Variants in ZDHHC2 observed in about 807,000 individuals in gnomAD.
ZDHHC2 encodes zDHHC palmitoyltransferase 2, also known as palmitoyltransferase ZDHHC2.
A neutral mutation model predicts 55.6 loss-of-function variants in ZDHHC2; 51 were observed. The observed-to-expected ratio is 0.92, with a 90% CI of 0.73 to 1.16. The LOEUF (loss-of-function observed/expected upper bound fraction) is 1.16. Among genes scored for constraint, ZDHHC2 ranks in the 50% most tolerant of loss-of-function variants. ZDHHC2 has a pLI of 0.00. For synonymous variants in ZDHHC2, 199 were observed against 152.9 expected (o/e 1.30, Z -2.22); for missense variants, 491 against 442.4 (o/e 1.11, Z -0.99).
chr8:17,196,755 A>T (rs1264876931), intron 4 of ZDHHC2, among the ~76,000 whole-genome samples: 3 of 151,816 alleles, frequency 2.0e-5, no homozygotes, highest in Non-Finnish European at 4.4e-5. Flanking sequence ...ATACAAAAAA[A>T]TTAGCCTGGG....
intron 9 of ZDHHC2, 122 bp from the exon 10 acceptor site, chr8:17,210,266 C>G (rs1807310170): frequency 1.8e-6 from 2 of 1,096,940 alleles, no homozygotes; most frequent in Non-Finnish European, 2.6e-6. Context: ...AGCTCAATGT[C>G]TAATACACAT....
intron 3 of ZDHHC2, among the ~76,000 whole-genome samples, chr8:17,193,510 G>A (rs548070317): frequency 3.3e-4 from 51 of 152,302 alleles, no homozygotes; most frequent in South Asian, 1.9e-3. Flanking sequence ...ATTGGGTCTC[G>A]CCCAAGGCCC....
chr8:17,199,670 C>CCTT (rs1327378870), intron 6 of ZDHHC2, among the ~76,000 whole-genome samples: 1 of 134,110 alleles, frequency 7.5e-6, no homozygotes, highest in African/African-American at 2.7e-5. Flanking sequence ...CCTCCTCCCT[C>CCTT]CTTCTTCTTC....
intron 1 of ZDHHC2, among the ~76,000 whole-genome samples, chr8:17,168,768 A>G (rs917895586): frequency 1.3e-5 from 2 of 151,602 alleles, no homozygotes; most frequent in East Asian, 1.9e-4. Context: ...AATCTAGTTT[A>G]TTTCACTTAT....
intron 3 of ZDHHC2, among the ~76,000 whole-genome samples, chr8:17,192,114 G>C (rs1806063486): frequency 1.3e-5 from 2 of 152,114 alleles, no homozygotes; most frequent in Non-Finnish European, 1.5e-5. Context: ...CCCCTAAGTA[G>C]CTGTGACTAC....
intron 3 of ZDHHC2, among the ~76,000 whole-genome samples, chr8:17,192,230 C>T (rs1226462093): frequency 6.6e-6 from 1 of 152,200 alleles, no homozygotes; most frequent in Non-Finnish European, 1.5e-5. Flanking sequence ...GAATGGTCCT[C>T]CCGCTTTGGC....
chr8:17,167,274 T>C (rs1056450119), intron 1 of ZDHHC2, among the ~76,000 whole-genome samples: 1 of 151,536 alleles, frequency 6.6e-6, no homozygotes, highest in Non-Finnish European at 1.5e-5. Flanking sequence ...CAGATGTTTA[T>C]AAACAAGCTG....
chr8:17,209,827 A>G (rs1296651089), intron 8 of ZDHHC2, 105 bp from the exon 9 acceptor site: 5 of 1,341,324 alleles, frequency 3.7e-6, no homozygotes, highest in South Asian at 3.3e-5. Context: ...TCAGCTAGCC[A>G]TTGATTTTCA....
intron 12 of ZDHHC2, among the ~76,000 whole-genome samples, chr8:17,218,734 A>T (rs546721512): frequency 2.0e-5 from 3 of 152,344 alleles, no homozygotes; most frequent in African/African-American, 7.2e-5. Flanking sequence ...TCAGCGCTAT[A>T]GATCTAAAAA....
intron 5 of ZDHHC2, among the ~76,000 whole-genome samples, chr8:17,197,856 C>G (rs902789805): frequency 2.6e-5 from 4 of 152,214 alleles, no homozygotes; most frequent in Non-Finnish European, 5.9e-5. Flanking sequence ...CCCCCAGATT[C>G]ACGGTGCCCT....
At chr8:17,188,901 C>G (rs1805869231) in intron 3 of ZDHHC2, among the ~76,000 whole-genome samples, 1 of 152,118 alleles carries the variant, frequency 6.6e-6, no homozygotes, top group African/African-American at 2.4e-5. Flanking sequence ...AGGCCAGAAA[C>G]ATTGGTGTCA....
chr8:17,191,566 G>C (rs2150916381), intron 3 of ZDHHC2, among the ~76,000 whole-genome samples: 1 of 152,300 alleles, frequency 6.6e-6, no homozygotes, highest in East Asian at 1.9e-4. Flanking sequence ...AGCATGCAAA[G>C]TTTGTCTTTC....
intron 6 of ZDHHC2, among the ~76,000 whole-genome samples, chr8:17,199,085 C>T (rs1028490504): frequency 2.6e-4 from 40 of 152,118 alleles, no homozygotes; most frequent in African/African-American, 9.2e-4. Context: ...GTGAGTAATG[C>T]TTATTCTTCA....
intron 6 of ZDHHC2, 136 bp from the exon 7 acceptor site, chr8:17,205,519 A>G: frequency 1.9e-6 from 2 of 1,036,490 alleles, no homozygotes; most frequent in Non-Finnish European, 2.7e-6. Context: ...TTGTATGCAT[A>G]AAGAAATCTT....
chr8:17,168,573 G>A (rs890558674), intron 1 of ZDHHC2, among the ~76,000 whole-genome samples: 1 of 152,024 alleles, frequency 6.6e-6, no homozygotes, highest in Non-Finnish European at 1.5e-5. Context: ...AATGCTGTGC[G>A]ATCATCACTA....
chr8:17,179,710 A>C (rs961522170), intron 1 of ZDHHC2, among the ~76,000 whole-genome samples: 1 of 152,212 alleles, frequency 6.6e-6, no homozygotes, highest in African/African-American at 2.4e-5. Context: ...CCAGCCCAAA[A>C]TGTGATTCCT....
intron 6 of ZDHHC2, among the ~76,000 whole-genome samples, chr8:17,199,640 C>CTTCTTCTTCTTCTT (rs1563161823): frequency 4.3e-5 from 1 of 23,434 alleles, no homozygotes; most frequent in African/African-American, 7.4e-5. Context: ...TTCTTCTTCT[C>CTTCTTCTTCTTCTT]CTCCTCCTCC....
At chr8:17,161,996 A>G (rs1005349461) in intron 1 of ZDHHC2, among the ~76,000 whole-genome samples, 3 of 152,230 alleles carry the variant, frequency 2.0e-5, no homozygotes, top group Non-Finnish European at 4.4e-5. Context: ...AAAACTCAAC[A>G]TTTCTTCAAA....
intron 1 of ZDHHC2, among the ~76,000 whole-genome samples, 166 bp downstream of exon 1, chr8:17,157,019 C>T (rs2705216): frequency 0.3 from 46,333 of 151,980 alleles, 8,647 homozygotes; most frequent in Middle Eastern, 0.47. Context: ...GGGGCAGCTT[C>T]TTCCACGCGC....
Sources: gnomAD v4.1 joint callset for allele counts (sites outside exome capture counted in the v4.1 genomes callset) on GRCh38, gnomAD v4.1.1 for gene constraint, MANE v1.5 for transcripts, NCBI Gene and HGNC (gene_info 2026-07-23, HGNC 2026-07-21) for gene names.